EIF5A2: variants seen among roughly 807,000 people sequenced by gnomAD.
EIF5A2 encodes the protein eukaryotic translation initiation factor 5A2, also known as eukaryotic translation initiation factor 5A-2.
In EIF5A2, 15 loss-of-function variants were observed where a neutral mutation model predicts 16.4. The observed-to-expected ratio is 0.92, with a 90% CI of 0.61 to 1.41. The LOEUF is 1.41. Among genes scored for constraint, EIF5A2 ranks in the 40% most tolerant of loss-of-function variants. The pLI is 0.00. For synonymous variants in EIF5A2, 48 were observed against 61.1 expected (o/e 0.79, Z 1.00); for missense variants, 144 against 189.5 (o/e 0.76, Z 1.41).
intron 4 of EIF5A2, among the ~76,000 whole-genome samples, chr3:170,893,904 G>A (rs1001392023): frequency 2.6e-5 from 4 of 152,126 alleles, no homozygotes; most frequent in East Asian, 1.9e-4. Flanking sequence ...GTGGTGGCAC[G>A]CGCCTGCAAT....
At chr3:170,907,571 G>C in intron 2 of EIF5A2, 71 bp downstream of exon 2, 2 of 1,414,774 alleles carry the variant, frequency 1.4e-6, no homozygotes, top group South Asian at 1.7e-5. Flanking sequence ...GAAATCTCAT[G>C]ATCTGTAACG....
chr3:170,908,384 G>A (rs1371705320), intron 1 of EIF5A2, among the ~76,000 whole-genome samples, 159 bp downstream of exon 1: 1 of 152,132 alleles, frequency 6.6e-6, no homozygotes, highest in East Asian at 1.9e-4. Context: ...CCCCACTAGG[G>A]CCTGAGCCCC....
chr3:170,894,797 C>G (rs559954205), intron 3 of EIF5A2, among the ~76,000 whole-genome samples: 1 of 150,476 alleles, frequency 6.6e-6, no homozygotes, highest in Admixed American at 6.6e-5. Context: ...GAGGCCGAGG[C>G]GGGCGGATCA....
chr3:170,900,454 A>C (rs1335792647), intron 3 of EIF5A2, among the ~76,000 whole-genome samples: 1 of 151,838 alleles, frequency 6.6e-6, no homozygotes, highest in Non-Finnish European at 1.5e-5. Flanking sequence ...CCAGGTCCAG[A>C]TCAGGAAGTG....
At chr3:170,894,224 T>C (rs1712610232) in intron 4 of EIF5A2, 68 bp downstream of exon 4, 1 of 1,533,384 alleles carries the variant, frequency 6.5e-7, no homozygotes, top group Non-Finnish European at 8.9e-7. Flanking sequence ...TAGTATTTTA[T>C]GTTAACTAGT....
At chr3:170,896,650 T>C (rs978007368) in intron 3 of EIF5A2, among the ~76,000 whole-genome samples, 11 of 152,310 alleles carry the variant, frequency 7.2e-5, no homozygotes, top group East Asian at 1.9e-4. Flanking sequence ...TCAATTAAAT[T>C]TCTTTTCTTT....
At position 170,907,155 on chromosome 3, in the gene EIF5A2, C is replaced by G; in HGVS notation, c.166-62G>C. ...CCAAGTATATCACTCATTACACACACAAGAGCACAATACCAATGCTGATTA... is the reference window on the plus strand; with the variant it reads ...CCAAGTATATCACTCATTACACACAGAAGAGCACAATACCAATGCTGATTA... On this transcript the variant is annotated intron_variant, in intron 2 of 4. Transcript: ENST00000295822. The G allele has an allele frequency of 2.8e-6, 3 of 1,060,252 alleles. No homozygotes were observed. In the South Asian group the frequency reaches 4.3e-5, roughly 15 times the overall value. 65.7% of individuals were successfully genotyped at this position (1,060,252 alleles called of 1,614,324 possible).
chr3:170,899,253 C>T (rs572447556), intron 3 of EIF5A2, among the ~76,000 whole-genome samples: 1 of 151,856 alleles, frequency 6.6e-6, no homozygotes, highest in African/African-American at 2.4e-5. Context: ...TTTCTGAGAC[C>T]AGGTCTTGCT....
intron 3 of EIF5A2, among the ~76,000 whole-genome samples, chr3:170,895,029 A>AG (rs1712634427): frequency 6.8e-6 from 1 of 146,512 alleles, no homozygotes; most frequent in Non-Finnish European, 1.5e-5. Flanking sequence ...CTGTCTCAAA[A>AG]AAAAAAAAAA....
chr3:170,890,022 A>G lies in EIF5A2; in HGVS notation c.*3338T>C, dbSNP rs1053109259. ...TACAATTTGGGAAAATTCTGCCAAT[A>G]TATTTTCAGGCAATTAGCTTTAAAA... On this transcript the variant is annotated 3_prime_UTR_variant, in exon 5 of 5. Transcript: ENST00000295822. 2.0e-5 allele frequency: 3 copies of G among 152,550 alleles called. No homozygotes were observed. The highest frequency in any genetic ancestry group is 4.4e-5 in the Non-Finnish European group (3 of 67,968). The allele number at this position is 152,550 out of a possible 1,614,324, so 9.4% of individuals were successfully genotyped here.
chr3:170,901,752 A>C (rs1438935028), intron 3 of EIF5A2, among the ~76,000 whole-genome samples: 1 of 152,094 alleles, frequency 6.6e-6, no homozygotes, highest in African/African-American at 2.4e-5. Flanking sequence ...GTGCCTTCTT[A>C]GTTCTAATTT....
At position 170,889,350 on chromosome 3, in the gene EIF5A2, A is replaced by G. The variant is rs891303500; in HGVS notation, c.*4010T>C. Reference sequence around the variant, plus strand: ...ATAGAACATCTGTGTTTCATAAGCTAAATCCAAATGTTCCCTGCTAAAATC... The same window carrying G: ...ATAGAACATCTGTGTTTCATAAGCTGAATCCAAATGTTCCCTGCTAAAATC... On this transcript the variant is annotated 3_prime_UTR_variant, in exon 5 of 5. Coordinates refer to ENST00000295822, the MANE Select transcript of EIF5A2 (RefSeq NM_020390.6). 6.6e-6 allele frequency: 1 copy of G among 152,492 alleles called. No homozygotes were observed. Among genetic ancestry groups the G allele is most frequent in the East Asian group, 1.9e-4 (1 of 5,198 alleles). The allele number at this position is 152,492 out of a possible 1,614,324, so 9.4% of individuals were successfully genotyped here.
rs373503777 is a variant in EIF5A2 at position 170,892,804 on chromosome 3, T to C, written c.*556A>G. The C allele has an allele frequency of 7.5e-6, 3 of 398,838 alleles. No individual in the cohort carries two copies. The highest frequency in any genetic ancestry group is 7.1e-5 in the East Asian group (2 of 28,082). The allele number at this position is 398,838 out of a possible 1,614,324, so 24.7% of individuals were successfully genotyped here. Reference sequence around the variant, plus strand: ...AGTTTGCCAACAATTTGGTAAATAGTATGACCAAAGTAATCACATGGTTGC... The same window carrying C: ...AGTTTGCCAACAATTTGGTAAATAGCATGACCAAAGTAATCACATGGTTGC... On this transcript the variant is annotated 3_prime_UTR_variant, in exon 5 of 5. Transcript: ENST00000295822.
rs567127774 is a variant in EIF5A2, at chr3:170,904,967, G to A, written c.270+2022C>T. On this transcript the variant is annotated intron_variant, in intron 3 of 4. Transcript: ENST00000295822. ...CTATTAAGTGCCAAAGTAAGACTAG[G>A]ACCAGGCCTGCCTGGCTTAAATCAT... Among the ~76,000 whole-genome samples the A allele has an allele frequency of 9.9e-5, 15 of 152,284 alleles. No homozygotes were observed. The South Asian group carries it at 2.9e-3, about 29-fold the overall frequency.
intron 3 of EIF5A2, 60 bp from the exon 4 acceptor site, chr3:170,894,483 TTACA>T (rs1398265398): frequency 6.7e-6 from 10 of 1,490,858 alleles, no homozygotes; most frequent in Non-Finnish European, 9.2e-6. Flanking sequence ...TGTGTAATGC[TTACA>T]TAGTTAAATT....
rs759230129 is a variant in EIF5A2 at position 170,894,302 on chromosome 3, TC to T, written c.391del (p.Glu131LysfsTer11). On this transcript the variant is annotated frameshift_variant, in exon 4 of 5. Transcript: ENST00000295822. LOFTEE classifies it high-confidence loss of function. Reference protein sequence around the residue: ...KEIEGKYNAGEDVQVSVMCAM... With the variant: ...KEIEGKYNAGXDVQVSVMCAM... ...TCTCTAAGTCTTTACCTGTACATCT[TC>T]ACCTGCATTGTATTTTCCCTCTATT... 3 of 1,613,734 alleles carry T rather than the reference TC, an allele frequency of 1.9e-6. No individual in the cohort carries two copies. Among genetic ancestry groups the T allele is most frequent in the Non-Finnish European group, 2.5e-6 (3 of 1,179,806 alleles).
In EIF5A2 at chr3:170,895,793, G is replaced by T. The variant is rs143010068; in HGVS notation, c.271-1370C>A. Among the ~76,000 whole-genome samples the T allele has an allele frequency of 3.9e-5, 6 of 152,306 alleles. No homozygotes were observed. In the East Asian group the frequency reaches 1.2e-3, roughly 29 times the overall value. On this transcript the variant is annotated intron_variant, in intron 3 of 4. Coordinates refer to ENST00000295822, the MANE Select transcript of EIF5A2 (RefSeq NM_020390.6). Reference sequence around the variant, plus strand: ...CCCTCAAATATTTGTGAGGTGGCTGGTAGAGAAGTGGGAGCAAGGAGGTTG... The same window carrying T: ...CCCTCAAATATTTGTGAGGTGGCTGTTAGAGAAGTGGGAGCAAGGAGGTTG...
chr3:170,891,306 A>G lies in EIF5A2; in HGVS notation c.*2054T>C, dbSNP rs151088088. The G allele has an allele frequency of 9.8e-5, 15 of 152,756 alleles. No homozygotes were observed. The highest frequency in any genetic ancestry group is 1.6e-4 in the Non-Finnish European group (11 of 68,020). 9.5% of individuals were successfully genotyped at this position (152,756 alleles called of 1,614,324 possible). A position where few individuals can be genotyped will look rare whatever the true frequency, so the allele number is the denominator to read the frequency against. On this transcript the variant is annotated 3_prime_UTR_variant, in exon 5 of 5. Coordinates refer to ENST00000295822, the MANE Select transcript of EIF5A2 (RefSeq NM_020390.6). ...TTACAGAGTACTAAGAAACTAGAGC[A>G]GTATGTAGTAGGTACTTAAATAGAA... is the stretch of plus-strand genomic sequence containing the variant.
chr3:170,889,048 C>CGTTTT lies in EIF5A2; in HGVS notation c.*4311_*4312insAAAAC, dbSNP rs1712457223. 1.0e-5 allele frequency: 1 copy of CGTTTT among 96,188 alleles called. No individual in the cohort carries two copies. Among genetic ancestry groups the CGTTTT allele is most frequent in the African/African-American group, 4.1e-5 (1 of 24,294 alleles). The allele number at this position is 96,188 out of a possible 1,614,324, so 6.0% of individuals were successfully genotyped here. On this transcript the variant is annotated 3_prime_UTR_variant, in exon 5 of 5. Transcript: ENST00000295822. ...ACTTCATATAAATACAATAACCTGT[C>CGTTTT]TTTTTTTTTTTTTTTTTTTTTTTGT...
Sources: allele counts gnomAD v4.1 joint callset (sites outside exome capture counted in the v4.1 genomes callset), GRCh38; gene constraint gnomAD v4.1.1; transcripts MANE v1.5; gene names NCBI Gene and HGNC (gene_info 2026-07-23, HGNC 2026-07-21).